The following LCORL variants were observed in gnomAD, a reference collection of about 807,000 sequenced individuals.
The protein encoded by LCORL is ligand-dependent nuclear receptor corepressor-like protein.
A neutral mutation model predicts 141.8 loss-of-function variants in LCORL; 41 were observed. The observed-to-expected ratio is 0.29, with a 90% CI of 0.23 to 0.38. LCORL has a LOEUF of 0.38. Ranked by LOEUF, LCORL falls within the 10% of genes least tolerant of loss-of-function variation. LCORL has a pLI of 1.00. For synonymous variants in LCORL, 618 were observed against 694.1 expected, an observed-to-expected ratio of 0.89 and a Z score of 1.72; for missense variants, 1,759 against 2,035.0, an observed-to-expected ratio of 0.86 and a Z score of 2.61.
chr4:17,910,407 C>T (rs1339947832), intron 4 of LCORL, among the ~76,000 whole-genome samples: 2 of 152,122 alleles, frequency 1.3e-5, no homozygotes, highest in African/African-American at 4.8e-5. Context: ...ACTTTTTCCT[C>T]TTAGAAACGG....
intron 4 of LCORL, among the ~76,000 whole-genome samples, chr4:17,959,995 T>A (rs1713461797): frequency 6.6e-6 from 1 of 152,164 alleles, no homozygotes; most frequent in Non-Finnish European, 1.5e-5. Context: ...ATTGTTACTA[T>A]CTTCTAGCCC....
chr4:17,926,460 C>T (rs1407088908), intron 4 of LCORL, among the ~76,000 whole-genome samples: 1 of 152,052 alleles, frequency 6.6e-6, no homozygotes, highest in Non-Finnish European at 1.5e-5. Flanking sequence ...CCAAGTTCTT[C>T]AGCTTTTCGA....
intron 4 of LCORL, among the ~76,000 whole-genome samples, chr4:17,952,159 AGGC>A (rs1176338341): frequency 1.3e-5 from 2 of 152,308 alleles, no homozygotes; most frequent in East Asian, 3.9e-4. Context: ...TATTAAATAT[AGGC>A]TAATTTTACT....
intron 1 of LCORL, among the ~76,000 whole-genome samples, chr4:17,990,159 C>G (rs560136960): frequency 2.2e-4 from 31 of 140,700 alleles, no homozygotes; most frequent in African/African-American, 8.1e-4. Context: ...AGTGCAGTGG[C>G]ACGATCTCGG....
intron 7 of LCORL, among the ~76,000 whole-genome samples, chr4:17,848,722 C>T (rs933529041): frequency 1.6e-4 from 24 of 152,192 alleles, no homozygotes; most frequent in African/African-American, 4.8e-4. Context: ...CGAAGCAGGG[C>T]GAGGCATTGC....
intron 4 of LCORL, among the ~76,000 whole-genome samples, chr4:17,940,116 G>C (rs1170697762): frequency 7.9e-6 from 1 of 127,328 alleles, no homozygotes; most frequent in Non-Finnish European, 1.5e-5. Context: ...ATATGTGTGT[G>C]TATATATATA....
chr4:17,899,462 G>A (rs1730546060), intron 5 of LCORL, among the ~76,000 whole-genome samples: 1 of 152,258 alleles, frequency 6.6e-6, no homozygotes, highest in South Asian at 2.1e-4. Context: ...CATAGACAGT[G>A]TGACTTACAC....
intron 5 of LCORL, among the ~76,000 whole-genome samples, chr4:17,906,131 CTGTG>C (rs944585227): frequency 4.6e-5 from 7 of 152,144 alleles, no homozygotes; most frequent in African/African-American, 1.4e-4. Context: ...GGTACACATA[CTGTG>C]TTAGTGGGTA....
chr4:17,906,111 T>TCC (rs1451397310), intron 5 of LCORL, among the ~76,000 whole-genome samples: 24 of 152,174 alleles, frequency 1.6e-4, no homozygotes, highest in Non-Finnish European at 2.8e-4. Context: ...AAAATATTTA[T>TCC]AGAAAGACTG....
At chr4:17,973,008 G>T (rs1211319711) in intron 1 of LCORL, 123 bp from the exon 2 acceptor site, 1 of 411,328 alleles carries the variant, frequency 2.4e-6, no homozygotes, top group Non-Finnish European at 4.2e-6. Flanking sequence ...TTTTCCTCTA[G>T]CTGCATTAAA....
chr4:17,898,796 A>G (rs979123962), intron 5 of LCORL, among the ~76,000 whole-genome samples: 6 of 152,078 alleles, frequency 3.9e-5, no homozygotes, highest in African/African-American at 7.2e-5. Flanking sequence ...CCCTGAATGC[A>G]TATCATTCCA....
chr4:17,962,860 C>T (rs891850146), intron 3 of LCORL, 110 bp downstream of exon 3: 4 of 479,766 alleles, frequency 8.3e-6, no homozygotes, highest in South Asian at 7.3e-5. Context: ...AAATCAAATA[C>T]TTAAACTTCC....
chr4:17,900,423 A>G (rs1730691599), intron 5 of LCORL, among the ~76,000 whole-genome samples: 1 of 152,096 alleles, frequency 6.6e-6, no homozygotes, highest in Non-Finnish European at 1.5e-5. Context: ...AAATGCCCTG[A>G]CCTTAGATCT....
chr4:17,878,258 C>T, intron 6 of LCORL, 45 bp from the exon 7 acceptor site: 7 of 1,177,646 alleles, frequency 5.9e-6, no homozygotes, highest in Non-Finnish European at 7.5e-6. Flanking sequence ...GCAAAAATAC[C>T]ACTATAAGGA....
At chr4:17,872,323 G>C (rs1017638116) in intron 7 of LCORL, among the ~76,000 whole-genome samples, 15 of 152,034 alleles carry the variant, frequency 9.9e-5, no homozygotes, top group Admixed American at 2.6e-4. Flanking sequence ...TAGCAGGGGT[G>C]TCTAATATTT....
At chr4:17,936,360 G>GAAAAAAAAAAAAAAA (rs10646952) in intron 4 of LCORL, among the ~76,000 whole-genome samples, 1 of 96,454 alleles carries the variant, frequency 1.0e-5, no homozygotes, top group African/African-American at 3.4e-5. Context: ...GTCTCATAAT[G>GAAAAAAAAAAAAAAA]AAAAAAAAAA....
intron 4 of LCORL, among the ~76,000 whole-genome samples, chr4:17,939,288 G>C (rs1737420195): frequency 6.6e-6 from 1 of 152,112 alleles, no homozygotes; most frequent in Non-Finnish European, 1.5e-5. Context: ...TTGCTCAAAG[G>C]CATGTGGAGC....
chr4:17,956,620 G>C (rs1560401686), intron 4 of LCORL, among the ~76,000 whole-genome samples: 1 of 151,578 alleles, frequency 6.6e-6, no homozygotes, highest in Non-Finnish European at 1.5e-5. Flanking sequence ...CATAGAGGTA[G>C]AGAGTAAAAT....
At chr4:17,987,235 T>C (rs912359444) in intron 1 of LCORL, among the ~76,000 whole-genome samples, 10 of 152,224 alleles carry the variant, frequency 6.6e-5, no homozygotes, top group African/African-American at 2.4e-4. Flanking sequence ...TGAGATATAA[T>C]TTACTACCAT....
Sources: allele counts gnomAD v4.1 joint callset (sites outside exome capture counted in the v4.1 genomes callset), GRCh38; gene constraint gnomAD v4.1.1; transcripts MANE v1.5; gene names NCBI Gene and HGNC (gene_info 2026-07-23, HGNC 2026-07-21).